The following DENND5B variants were observed in gnomAD, a reference collection of about 807,000 sequenced individuals.
DENND5B encodes the protein DENN domain-containing protein 5B.
Under a neutral mutation model 140.6 loss-of-function variants are expected in DENND5B, and 34 were observed. The ratio of observed to expected loss-of-function variants is 0.24; its 90% CI spans 0.18 to 0.32. The LOEUF (loss-of-function observed/expected upper bound fraction) is 0.32. DENND5B is among the 10% of genes least tolerant of loss of function. The pLI, the probability that DENND5B is intolerant of heterozygous loss-of-function variation, is 1.00. For synonymous variants in DENND5B, 551 were observed against 562.1 expected, an observed-to-expected ratio of 0.98 and a Z score of 0.28; for missense variants, 1,142 against 1,560.2, an observed-to-expected ratio of 0.73 and a Z score of 4.52.
intron 3 of DENND5B, among the ~76,000 whole-genome samples, chr12:31,472,266 T>C (rs1042873430): frequency 7.9e-5 from 12 of 152,018 alleles, no homozygotes; most frequent in Non-Finnish European, 1.0e-4. Flanking sequence ...AGAAATAGGG[T>C]GAATAAAACA....
At chr12:31,540,966 TTCAG>T in intron 1 of DENND5B, 1 of 453,614 alleles carries the variant, frequency 2.2e-6, no homozygotes, top group South Asian at 1.6e-5. Context: ...GGACAGTCTC[TTCAG>T]TCAATGGTGC....
At position 31,524,041 on chromosome 12, in the gene DENND5B, CTTTT is replaced by C. The variant is rs148193944; in HGVS notation, c.128-28126_128-28123del. ...TCTTTTAAGTGAAAACTACTGAGCC[CTTTT>C]TTTTTTTTTTTTTTTTTTAGATCAT... On this transcript the variant is annotated intron_variant, in intron 1 of 20. Coordinates refer to ENST00000389082, the MANE Select transcript of DENND5B (RefSeq NM_144973.4). 1.3e-3 allele frequency among the ~76,000 whole-genome samples: 156 copies of C among 121,544 alleles called. 2 individuals carry two copies. In the East Asian group the frequency reaches 0.021, roughly 17 times the overall value. 79.7% of individuals were successfully genotyped at this position (121,544 alleles called of 152,430 possible).
At chr12:31,432,035 G>C in intron 8 of DENND5B, 1 of 983,798 alleles carries the variant, frequency 1.0e-6, no homozygotes, top group Non-Finnish European at 1.2e-6. Flanking sequence ...TTCAAGCAAA[G>C]AACATACCAG....
intron 1 of DENND5B, among the ~76,000 whole-genome samples, chr12:31,555,794 T>C (rs4338625): frequency 0.13 from 19,319 of 152,208 alleles, 1,558 homozygotes; most frequent in Non-Finnish European, 0.18. Context: ...CACCTTGCAG[T>C]TTGATCTCGG....
At chr12:31,543,546 A>C (rs1485513608) in intron 1 of DENND5B, among the ~76,000 whole-genome samples, 1 of 152,236 alleles carries the variant, frequency 6.6e-6, no homozygotes, top group Non-Finnish European at 1.5e-5. Context: ...AAAAAAGGTG[A>C]GAAATTAGAA....
At chr12:31,433,629 AT>A (rs1229908432) in intron 7 of DENND5B, among the ~76,000 whole-genome samples, 4 of 152,186 alleles carry the variant, frequency 2.6e-5, no homozygotes, top group African/African-American at 7.2e-5. Flanking sequence ...TATTATGAAT[AT>A]TTTTTAATAC....
intron 4 of DENND5B, among the ~76,000 whole-genome samples, chr12:31,457,777 G>A (rs1438387774): frequency 1.3e-5 from 2 of 151,110 alleles, no homozygotes; most frequent in African/African-American, 4.9e-5. Flanking sequence ...GCAGTGATGC[G>A]ATCTTGGCTC....
At chr12:31,570,177 C>A (rs1949769260) in intron 1 of DENND5B, among the ~76,000 whole-genome samples, 1 of 150,566 alleles carries the variant, frequency 6.6e-6, no homozygotes, top group Admixed American at 6.7e-5. Flanking sequence ...GCCTGGGTGA[C>A]ACAGCAATAC....
In DENND5B at chr12:31,442,857, T is replaced by C; in HGVS notation, c.1930A>G (p.Lys644Glu). ...TAIHPHLLDM[K>E]IGQGKYEQGF... ...TGCTCATATTTGCCTTGACCAATTTTCATATCAAGTAGATGTGGGTGGATT... is the reference window on the plus strand; with the variant it reads ...TGCTCATATTTGCCTTGACCAATTTCCATATCAAGTAGATGTGGGTGGATT... Residue 644 changes from lysine (K) to glutamate (E), a missense_variant, in exon 7 of 21, where the codon AAA becomes GAA. Physicochemically the swap from Lys to Glu is moderately conservative, Grantham distance 56. This residue lies in a region of DENND5B where 708 missense variants were observed against 905.5 expected (regional missense o/e 0.78). Transcript: ENST00000389082. 1.2e-6 allele frequency: 2 copies of C among 1,612,512 alleles called. No homozygotes were observed. Among genetic ancestry groups the C allele is most frequent in the Non-Finnish European group, 1.7e-6 (2 of 1,179,296 alleles).
At chr12:31,407,226 G>C (rs1942177024) in intron 14 of DENND5B, among the ~76,000 whole-genome samples, 1 of 152,068 alleles carries the variant, frequency 6.6e-6, no homozygotes, top group African/African-American at 2.4e-5. Context: ...CGCCTCCCGG[G>C]TTCAAGCAAT....
chr12:31,426,286 T>C lies in DENND5B; in HGVS notation c.2238+7A>G. ...CACACTGTCTGGCATCAGTGAATAA[T>C]ACATACCTTCATTCTACATTCTTTT... is the stretch of plus-strand genomic sequence containing the variant. On this transcript the variant is annotated splice_region_variant and intron_variant, in intron 9 of 20. Coordinates refer to ENST00000389082, the MANE Select transcript of DENND5B (RefSeq NM_144973.4). The C allele has an allele frequency of 6.2e-7, 1 of 1,605,516 alleles. No individual in the cohort carries two copies. The highest frequency in any genetic ancestry group is 1.1e-5 in the South Asian group (1 of 89,170).
intron 1 of DENND5B, among the ~76,000 whole-genome samples, chr12:31,549,350 A>AT (rs1039921522): frequency 1.3e-5 from 2 of 152,164 alleles, no homozygotes; most frequent in African/African-American, 4.8e-5. Context: ...AGGAATCCTG[A>AT]TTTTTTAAAA....
intron 1 of DENND5B, among the ~76,000 whole-genome samples, chr12:31,540,479 C>G (rs1948648111): frequency 6.6e-6 from 1 of 152,100 alleles, no homozygotes; most frequent in African/African-American, 2.4e-5. Context: ...CATGGTAAGA[C>G]ATCGTCTCTA....
chr12:31,454,381 CTAAA>C (rs1218887268), intron 4 of DENND5B, among the ~76,000 whole-genome samples: 1 of 152,144 alleles, frequency 6.6e-6, no homozygotes, highest in African/African-American at 2.4e-5. Flanking sequence ...GCAGTTTTCT[CTAAA>C]TAAATAAAGA....
chr12:31,583,322 G>A (rs1950272531), intron 1 of DENND5B, among the ~76,000 whole-genome samples: 1 of 149,914 alleles, frequency 6.7e-6, no homozygotes, highest in African/African-American at 2.5e-5. Context: ...GAGAGAGAGA[G>A]AAAAGAATGC....
intron 2 of DENND5B, among the ~76,000 whole-genome samples, chr12:31,495,379 C>CTTTTTTTTTTTTT (rs1293809907): frequency 1.6e-5 from 1 of 63,534 alleles, no homozygotes; most frequent in Non-Finnish European, 2.9e-5. Context: ...TATCACATTT[C>CTTTTTTTTTTTTT]TTTTTTTTTC....
intron 1 of DENND5B, among the ~76,000 whole-genome samples, chr12:31,527,744 C>T (rs1948137322): frequency 6.6e-6 from 1 of 152,066 alleles, no homozygotes; most frequent in African/African-American, 2.4e-5. Flanking sequence ...TGCCACTACA[C>T]TCTAGCCTGC....
In DENND5B at chr12:31,557,819, A is replaced by G. The variant is rs1443385278; in HGVS notation, c.127+32887T>C. Among the ~76,000 whole-genome samples the G allele has an allele frequency of 6.8e-3, 941 of 139,008 alleles. 14 individuals are homozygous for G. Among genetic ancestry groups the G allele is most frequent in the African/African-American group, 0.024 (903 of 38,400 alleles). 91.2% of individuals were successfully genotyped at this position (139,008 alleles called of 152,430 possible). On this transcript the variant is annotated intron_variant, in intron 1 of 20. Coordinates refer to ENST00000389082, the MANE Select transcript of DENND5B (RefSeq NM_144973.4). ...AAACTGGGGAGCTGTGGTGGCAAAAAAAAAAAAAAAAAAAAAAAGACACAG... is the reference window on the plus strand; with the variant it reads ...AAACTGGGGAGCTGTGGTGGCAAAAGAAAAAAAAAAAAAAAAAAGACACAG...
chr12:31,490,417 G>A (rs546235879), intron 2 of DENND5B, among the ~76,000 whole-genome samples: 21 of 152,120 alleles, frequency 1.4e-4, no homozygotes, highest in Middle Eastern at 3.4e-3. Flanking sequence ...TTCGAGAGTA[G>A]CCTAAGCAAC....
Sources: gnomAD v4.1 joint callset for allele counts (sites outside exome capture counted in the v4.1 genomes callset) on GRCh38, gnomAD v4.1.1 for gene constraint, gnomAD v4.1.1 regional missense constraint, MANE v1.5 for transcripts, NCBI Gene and HGNC (gene_info 2026-07-23, HGNC 2026-07-21) for gene names.